TEX9: variants seen among roughly 807,000 people sequenced by gnomAD.
TEX9 encodes testis-expressed protein 9.
In TEX9, 74 loss-of-function variants were observed where a neutral mutation model predicts 59.6. The ratio of observed to expected loss-of-function variants is 1.24; its 90% confidence interval spans 1.03 to 1.51. The LOEUF (loss-of-function observed/expected upper bound fraction) is 1.51. Among genes scored for constraint, TEX9 ranks in the 40% most tolerant of loss-of-function variants. The pLI, the probability that TEX9 is intolerant of heterozygous loss-of-function variation, is 0.00. For missense variants in TEX9, 522 were observed against 447.8 expected (o/e 1.17, Z -1.49); for synonymous variants, 186 against 152.2 (o/e 1.22, Z -1.64).
At chr15:56,437,367 CAT>C (rs1221495206) in intron 12 of TEX9, among the ~76,000 whole-genome samples, 5 of 152,252 alleles carry the variant, frequency 3.3e-5, no homozygotes, top group Non-Finnish European at 5.9e-5. Context: ...ACAAAAAACA[CAT>C]GATTATCTCA....
At chr15:56,310,561 T>G (rs2045587939) in intron 1 of TEX9, among the ~76,000 whole-genome samples, 1 of 152,212 alleles carries the variant, frequency 6.6e-6, no homozygotes, top group Non-Finnish European at 1.5e-5. Context: ...GACAGAATCT[T>G]TGTCAACAGC....
intron 1 of TEX9, among the ~76,000 whole-genome samples, chr15:56,303,944 C>T (rs919927342): frequency 6.6e-6 from 1 of 152,084 alleles, no homozygotes; most frequent in Non-Finnish European, 1.5e-5. Flanking sequence ...AAGATTGAAC[C>T]ATGAAGAAAT....
At chr15:56,372,281 G>C (rs535997453) in intron 2 of TEX9, among the ~76,000 whole-genome samples, 18 of 152,022 alleles carry the variant, frequency 1.2e-4, no homozygotes, top group Non-Finnish European at 2.4e-4. Context: ...ATTTCTTAAA[G>C]CTTCAGACTG....
intron 12 of TEX9, among the ~76,000 whole-genome samples, chr15:56,430,577 A>AAAATC (rs1356686049): frequency 6.7e-6 from 1 of 148,418 alleles, no homozygotes; most frequent in Non-Finnish European, 1.5e-5. Flanking sequence ...TGGAATTTTA[A>AAAATC]AAATCAAGTT....
chr15:56,338,598 T>C (rs1464710575), intron 1 of TEX9, among the ~76,000 whole-genome samples: 1 of 152,152 alleles, frequency 6.6e-6, no homozygotes, highest in Non-Finnish European at 1.5e-5. Context: ...AGGGGATCTT[T>C]CAGCAAGCCC....
At chr15:56,248,929 T>G (rs1313540596) in intron 1 of TEX9, 1 of 152,152 alleles carries the variant, frequency 6.6e-6, no homozygotes, top group Non-Finnish European at 1.5e-5. Flanking sequence ...ATTCACAAGG[T>G]CGATCATTCC....
intron 1 of TEX9, among the ~76,000 whole-genome samples, chr15:56,358,936 G>A (rs1159872415): frequency 1.3e-5 from 2 of 152,100 alleles, no homozygotes; most frequent in Non-Finnish European, 2.9e-5. Context: ...CTTCCGCCAT[G>A]ATTGTTAAGT....
intron 1 of TEX9, among the ~76,000 whole-genome samples, chr15:56,352,521 G>A (rs1214073971): frequency 1.3e-5 from 2 of 151,926 alleles, no homozygotes; most frequent in Non-Finnish European, 1.5e-5. Flanking sequence ...CCTAAGTGTT[G>A]GGATTACAGG....
intron 1 of TEX9, among the ~76,000 whole-genome samples, chr15:56,320,560 C>G (rs1329978562): frequency 6.6e-6 from 1 of 152,112 alleles, no homozygotes; most frequent in African/African-American, 2.4e-5. Flanking sequence ...AGGACTCACC[C>G]TGGTGTTGTT....
chr15:56,449,097 A>G (rs1460750484), downstream of TEX9, among the ~76,000 whole-genome samples: 1 of 152,154 alleles, frequency 6.6e-6, no homozygotes, highest in Non-Finnish European at 1.5e-5. Context: ...CAATCATATC[A>G]TCTGTGAATA....
intron 1 of TEX9, among the ~76,000 whole-genome samples, chr15:56,253,042 A>G (rs1424109653): frequency 6.6e-6 from 1 of 152,134 alleles, no homozygotes; most frequent in African/African-American, 2.4e-5. Context: ...AAGGGCCCTA[A>G]AAATGACAGG....
At chr15:56,373,045 C>T (rs1034108896) in intron 2 of TEX9, among the ~76,000 whole-genome samples, 1 of 152,178 alleles carries the variant, frequency 6.6e-6, no homozygotes, top group Non-Finnish European at 1.5e-5. Flanking sequence ...ACCGTGCCCA[C>T]TTCTGCCCAC....
rs555179216 is a variant in TEX9, at chr15:56,427,799, T to C, written c.1098+60T>C. On this transcript the variant is annotated intron_variant, in intron 11 of 12. Transcript: ENST00000352903. The stretch of plus-strand genomic sequence containing the variant: ...TTTGTAACTTTCTTACTAAAAAATT[T>C]AGCATTTTTCACTTTAGGTATGTTT... The C allele has an allele frequency of 3.6e-4, 482 of 1,340,518 alleles. 1 individual carries two copies. Among genetic ancestry groups the C allele is most frequent in the Non-Finnish European group, 4.5e-4 (461 of 1,017,266 alleles). 83.0% of individuals were successfully genotyped at this position (1,340,518 alleles called of 1,614,324 possible). A position where few individuals can be genotyped will look rare whatever the true frequency, so the allele number is the denominator to read the frequency against.
intron 3 of TEX9, chr15:56,374,694 G>C (rs1033724517): frequency 1.3e-5 from 2 of 151,736 alleles, no homozygotes; most frequent in African/African-American, 4.9e-5. Context: ...TCCCACCCCT[G>C]CATCCCCCAT....
intron 1 of TEX9, among the ~76,000 whole-genome samples, chr15:56,255,858 A>G (rs1596045222): frequency 6.6e-6 from 1 of 152,118 alleles, no homozygotes; most frequent in East Asian, 1.9e-4. Context: ...GATTAGAATA[A>G]CAAAGAAGCT....
intron 1 of TEX9, among the ~76,000 whole-genome samples, chr15:56,255,066 A>G (rs577585477): frequency 2.0e-4 from 30 of 152,220 alleles, no homozygotes; most frequent in Admixed American, 7.9e-4. Context: ...ATTTAAAATT[A>G]ATAGCATAAA....
Position 56,412,443 on chromosome 15 carries a change from A to G in TEX9, c.963+7A>G, listed in dbSNP as rs1450762866. ...ATTAAGGCAAAATAACAAGGTATGG[A>G]AAAATTGAATAGCTTTTGTAGTGAT... On this transcript the variant is annotated splice_region_variant and intron_variant, in intron 10 of 12. Coordinates refer to ENST00000352903, the Ensembl canonical transcript of TEX9. 1.9e-6 allele frequency: 3 copies of G among 1,603,356 alleles called. No individual in the cohort carries two copies. The highest frequency in any genetic ancestry group is 2.5e-6 in the Non-Finnish European group (3 of 1,177,290).
At chr15:56,317,751 T>C (rs2045810678) in intron 1 of TEX9, among the ~76,000 whole-genome samples, 2 of 152,238 alleles carry the variant, frequency 1.3e-5, no homozygotes, top group East Asian at 3.8e-4. Context: ...ATTTCCCTTG[T>C]GATTTCATCT....
At chr15:56,342,943 G>A (rs1403129376) in intron 1 of TEX9, among the ~76,000 whole-genome samples, 1 of 152,144 alleles carries the variant, frequency 6.6e-6, no homozygotes, top group East Asian at 1.9e-4. Flanking sequence ...CCAGAGAGAT[G>A]ATTTTAATCT....
Sources: allele counts gnomAD v4.1 joint callset (sites outside exome capture counted in the v4.1 genomes callset), GRCh38; gene constraint gnomAD v4.1.1; transcripts MANE v1.5; gene names NCBI Gene and HGNC (gene_info 2026-07-23, HGNC 2026-07-21).